The following ZFAT variants were observed in gnomAD, a reference collection of about 807,000 sequenced individuals.
ZFAT encodes zinc finger and AT-hook domain containing.
Under a neutral mutation model 117.7 loss-of-function variants are expected in ZFAT, and 64 were observed. That is an observed-to-expected ratio of 0.54 (90% confidence interval 0.44 to 0.67). ZFAT has a LOEUF of 0.67. Among genes scored for constraint, ZFAT ranks in the 30% least tolerant of loss-of-function variants. The pLI is 0.00. For missense variants in ZFAT, 1,433 were observed against 1,584.5 expected, an observed-to-expected ratio of 0.90 and a Z score of 1.62; for synonymous variants, 679 against 615.0, an observed-to-expected ratio of 1.10 and a Z score of -1.54.
intron 3 of ZFAT, among the ~76,000 whole-genome samples, chr8:134,628,374 G>T (rs1394620825): frequency 6.6e-6 from 1 of 152,176 alleles, no homozygotes; most frequent in African/African-American, 2.4e-5. Context: ...AGAAGTCAGG[G>T]TGCAGAGCAG....
upstream of ZFAT, among the ~76,000 whole-genome samples, chr8:134,717,142 T>C (rs1480866209): frequency 6.6e-6 from 1 of 152,190 alleles, no homozygotes; most frequent in African/African-American, 2.4e-5. Flanking sequence ...CTAATGTTAA[T>C]GAAATGCTAA....
rs574830099 is a variant in ZFAT at position 134,512,574 on chromosome 8, A to G, written c.3262T>C (p.Ser1088Pro). ...ETATEAPEEP[S>P]TQYLHITEAE... Reference sequence around the variant, plus strand: ...TCTGTGATGTGGAGATACTGGGTGGAGGGCTCCTCAGGAGCTTCTGTTGCT... The same window carrying G: ...TCTGTGATGTGGAGATACTGGGTGGGGGGCTCCTCAGGAGCTTCTGTTGCT... The change falls in exon 14 of 16, where the codon TCC becomes CCC. Residue 1088 changes from serine to proline, a missense_variant. Transcript: ENST00000377838. The G allele has an allele frequency of 1.7e-5, 27 of 1,613,830 alleles. No individual in the cohort carries two copies. The South Asian group carries it at 2.2e-4, about 13-fold the overall frequency.
the ZFAT span, chr8:134,792,383 G>A: frequency 6.6e-6 from 1 of 152,124 alleles, no homozygotes; most frequent in African/African-American, 2.4e-5. Flanking sequence ...TTGTGTTCAG[G>A]AAGTATTAGC....
the ZFAT span, among the ~76,000 whole-genome samples, chr8:134,774,389 A>C: frequency 6.6e-6 from 1 of 152,206 alleles, no homozygotes; most frequent in African/African-American, 2.4e-5. Flanking sequence ...GCATCAATTA[A>C]TGCAGCAAAC....
At chr8:134,714,880 G>T (rs1410482433), upstream of ZFAT, among the ~76,000 whole-genome samples, 2 of 152,100 alleles carry the variant, frequency 1.3e-5, no homozygotes, top group African/African-American at 4.8e-5. Flanking sequence ...AAGAGAGCCA[G>T]TTCCAAGACA....
chr8:134,626,531 A>G (rs1247790156), intron 3 of ZFAT, among the ~76,000 whole-genome samples: 3 of 152,256 alleles, frequency 2.0e-5, no homozygotes, highest in African/African-American at 7.2e-5. Flanking sequence ...ACACAGAAGA[A>G]GAGGCAGCGT....
the ZFAT span, chr8:134,795,736 T>C: frequency 1.3e-5 from 2 of 152,186 alleles, no homozygotes; most frequent in Non-Finnish European, 2.9e-5. Flanking sequence ...TAAGTTTTAA[T>C]CTCTGGTTAA....
intron 15 of ZFAT, among the ~76,000 whole-genome samples, chr8:134,495,524 A>G (rs990572099): frequency 1.3e-5 from 2 of 152,172 alleles, no homozygotes; most frequent in Non-Finnish European, 2.9e-5. Context: ...ATTACTCACA[A>G]TGACTCAACA....
At chr8:134,784,667 ATTGTT>A in the ZFAT span, 1 of 152,100 alleles carries the variant, frequency 6.6e-6, no homozygotes, top group African/African-American at 2.4e-5. Flanking sequence ...TTTTAGTCTA[ATTGTT>A]TTATCATACA....
At chr8:134,751,046 A>T in the ZFAT span, among the ~76,000 whole-genome samples, 1 of 152,212 alleles carries the variant, frequency 6.6e-6, no homozygotes, top group African/African-American at 2.4e-5. Flanking sequence ...TTTATTTTCA[A>T]TAAATGTATT....
the ZFAT span, among the ~76,000 whole-genome samples, chr8:134,754,267 T>C: frequency 6.6e-6 from 1 of 152,220 alleles, no homozygotes; most frequent in Non-Finnish European, 1.5e-5. Flanking sequence ...GAACTATGTT[T>C]ACCCTCACTT....
chr8:134,712,745 C>T (rs1814065782), intron 1 of ZFAT, 100 bp downstream of exon 1: 2 of 1,222,860 alleles, frequency 1.6e-6, no homozygotes, highest in South Asian at 1.6e-5. Context: ...GGCCGGCGGC[C>T]GGCGCACTGC....
intron 3 of ZFAT, among the ~76,000 whole-genome samples, chr8:134,611,190 G>A (rs898596606): frequency 2.0e-5 from 3 of 152,228 alleles, no homozygotes. Context: ...CGAATGAAAT[G>A]AGCAAGGGTC....
At chr8:134,831,188 G>C in the ZFAT span, among the ~76,000 whole-genome samples, 2 of 152,180 alleles carry the variant, frequency 1.3e-5, no homozygotes, top group Non-Finnish European at 2.9e-5. Context: ...CCTGACACCT[G>C]AAACTCTTCA....
intron 14 of ZFAT, among the ~76,000 whole-genome samples, chr8:134,511,957 C>G (rs964627275): frequency 6.6e-6 from 1 of 152,196 alleles, no homozygotes; most frequent in African/African-American, 2.4e-5. Flanking sequence ...TGAGCCCACA[C>G]CACCTCCTGT....
chr8:134,564,915 G>C, intron 11 of ZFAT: 1 of 1,195,520 alleles, frequency 8.4e-7, no homozygotes, highest in Middle Eastern at 2.4e-4. Flanking sequence ...GGACACTCCC[G>C]AACACAATCT....
chr8:134,638,568 A>AAAAAAAAAAAAAAAAT, intron 2 of ZFAT, among the ~76,000 whole-genome samples: 2 of 94,954 alleles, frequency 2.1e-5, no homozygotes, highest in Non-Finnish European at 4.4e-5. Flanking sequence ...AACAAAACAA[A>AAAAAAAAAAAAAAAAT]AAAAAAAAAC....
At chr8:134,487,139 C>T (rs1156243681) in intron 15 of ZFAT, among the ~76,000 whole-genome samples, 1 of 152,098 alleles carries the variant, frequency 6.6e-6, no homozygotes, top group Non-Finnish European at 1.5e-5. Context: ...TACATGTACG[C>T]AGGTATGGGC....
intron 3 of ZFAT, among the ~76,000 whole-genome samples, chr8:134,629,247 T>C (rs1829723858): frequency 6.6e-6 from 1 of 152,144 alleles, no homozygotes; most frequent in Non-Finnish European, 1.5e-5. Flanking sequence ...TTGAACACAC[T>C]GCATAACTTA....
Sources: allele counts gnomAD v4.1 joint callset (sites outside exome capture counted in the v4.1 genomes callset), GRCh38; gene constraint gnomAD v4.1.1; transcripts MANE v1.5; gene names NCBI Gene and HGNC (gene_info 2026-07-23, HGNC 2026-07-21).